CPA6: variants seen among roughly 807,000 people sequenced by gnomAD.
CPA6 encodes carboxypeptidase A6, also known as carboxypeptidase B.
A neutral mutation model predicts 63.3 loss-of-function variants in CPA6; 58 were observed. The ratio of observed to expected loss-of-function variants is 0.92; its 90% CI spans 0.74 to 1.14. The LOEUF (loss-of-function observed/expected upper bound fraction) is 1.14, where lower values mean the gene tolerates loss of function less well. Ranked by LOEUF, CPA6 falls within the 50% of genes most tolerant of loss-of-function variation. CPA6 has a pLI of 0.00. For missense variants in CPA6, 565 were observed against 526.6 expected (o/e 1.07, Z -0.71); for synonymous variants, 185 against 179.0 (o/e 1.03, Z -0.27).
At chr8:67,735,227 G>A (rs1439887799) in intron 1 of CPA6, 1 of 152,046 alleles carries the variant, frequency 6.6e-6, no homozygotes, top group East Asian at 1.9e-4. Flanking sequence ...AAGCCCTCAG[G>A]AGACACAGAC....
intron 1 of CPA6, among the ~76,000 whole-genome samples, chr8:67,666,658 C>G (rs75229070): frequency 0.025 from 3,800 of 152,248 alleles, 203 homozygotes; most frequent in African/African-American, 0.088. Context: ...CGATCAGGGT[C>G]TCCGTGCAGC....
intron 1 of CPA6, among the ~76,000 whole-genome samples, chr8:67,692,839 C>T (rs1761890455): frequency 6.6e-6 from 1 of 152,046 alleles, no homozygotes. Flanking sequence ...AAATTAATAC[C>T]CAAGGTAGCT....
At chr8:67,727,659 A>G (rs569277618) in intron 1 of CPA6, among the ~76,000 whole-genome samples, 5 of 152,308 alleles carry the variant, frequency 3.3e-5, no homozygotes, top group Admixed American at 3.3e-4. Context: ...CTGTTCTGAG[A>G]GATTACCTGG....
At chr8:67,628,238 T>C (rs1046983658) in intron 1 of CPA6, among the ~76,000 whole-genome samples, 2 of 151,904 alleles carry the variant, frequency 1.3e-5, no homozygotes, top group Non-Finnish European at 2.9e-5. Context: ...TCTAAGACTG[T>C]GTTGCCTGGG....
In CPA6 at chr8:67,724,030, C is replaced by G. The variant is rs1000558562; in HGVS notation, c.116+21984G>C. Among the ~76,000 whole-genome samples, 4 of 152,092 alleles carry G rather than the reference C, an allele frequency of 2.6e-5. No individual in the cohort carries two copies. The South Asian group carries it at 8.3e-4, about 31-fold the overall frequency. On this transcript the variant is annotated intron_variant, in intron 1 of 10. Transcript: ENST00000297770. ...TATGATACACAAAGGATTAATATCT[C>G]TAATACATGGTTCTCTCAGAAGCTG...
intron 2 of CPA6, among the ~76,000 whole-genome samples, chr8:67,597,485 C>T (rs568281883): frequency 3.9e-4 from 59 of 152,270 alleles, no homozygotes; most frequent in African/African-American, 1.4e-3. Flanking sequence ...GGAGCCACTG[C>T]GCCTGGCCCC....
intron 1 of CPA6, among the ~76,000 whole-genome samples, chr8:67,739,233 G>A (rs1817869266): frequency 1.3e-5 from 2 of 152,204 alleles, no homozygotes; most frequent in East Asian, 3.8e-4. Context: ...CTGCAGCATT[G>A]CATGTCTTTA....
rs143656482 is a variant in CPA6 at position 67,729,616 on chromosome 8, C to T, written c.116+16398G>A. ...GTGCTACTGCAGAGCATTCTGAGTG[C>T]TCAGGAGGAAGTTAAGTGATGTTCT... is the stretch of plus-strand genomic sequence containing the variant. On this transcript the variant is annotated intron_variant, in intron 1 of 10. Coordinates refer to ENST00000297770, the MANE Select transcript of CPA6 (RefSeq NM_020361.5). Among the ~76,000 whole-genome samples the T allele has an allele frequency of 3.3e-5, 5 of 152,294 alleles. No homozygotes were observed. In the East Asian group the frequency reaches 5.8e-4, roughly 18 times the overall value.
intron 2 of CPA6, among the ~76,000 whole-genome samples, chr8:67,543,679 G>A (rs1373608230): frequency 6.6e-6 from 1 of 151,984 alleles, no homozygotes; most frequent in Non-Finnish European, 1.5e-5. Flanking sequence ...ATACAATTCA[G>A]TACTATACAT....
intron 6 of CPA6, among the ~76,000 whole-genome samples, chr8:67,486,718 G>T (rs750026800): frequency 1.3e-5 from 2 of 152,086 alleles, no homozygotes; most frequent in Non-Finnish European, 2.9e-5. Flanking sequence ...TGAATTATTA[G>T]TTCCCTGAAT....
intron 1 of CPA6, among the ~76,000 whole-genome samples, chr8:67,673,816 A>G (rs957798427): frequency 1.3e-5 from 2 of 152,184 alleles, no homozygotes; most frequent in Non-Finnish European, 2.9e-5. Flanking sequence ...GCCAGACACT[A>G]CTGAAAGCAT....
At chr8:67,453,464 G>A (rs756751681) in intron 8 of CPA6, among the ~76,000 whole-genome samples, 1 of 152,116 alleles carries the variant, frequency 6.6e-6, no homozygotes, top group Non-Finnish European at 1.5e-5. Context: ...GAGTTGAGAT[G>A]TCTATTAGAT....
At chr8:67,443,742 G>T (rs1810348187) in intron 8 of CPA6, among the ~76,000 whole-genome samples, 1 of 152,088 alleles carries the variant, frequency 6.6e-6, no homozygotes, top group African/African-American at 2.4e-5. Flanking sequence ...AAAGTTTATA[G>T]GATAGATTTG....
chr8:67,493,288 T>C (rs1209548357), intron 6 of CPA6, among the ~76,000 whole-genome samples: 1 of 152,232 alleles, frequency 6.6e-6, no homozygotes, highest in East Asian at 1.9e-4. Flanking sequence ...TGAGGGCTTA[T>C]ATTTTACCTT....
intron 2 of CPA6, among the ~76,000 whole-genome samples, chr8:67,539,096 T>C (rs1456445266): frequency 6.6e-6 from 1 of 152,234 alleles, no homozygotes; most frequent in East Asian, 1.9e-4. Flanking sequence ...ATAATGTTGA[T>C]GGTCTTTACA....
At chr8:67,559,763 A>T (rs1813157358) in intron 2 of CPA6, among the ~76,000 whole-genome samples, 1 of 152,042 alleles carries the variant, frequency 6.6e-6, no homozygotes, top group African/African-American at 2.4e-5. Context: ...TGAGCCATTC[A>T]GAGAAGGCAA....
intron 2 of CPA6, among the ~76,000 whole-genome samples, chr8:67,589,737 C>A (rs1286360503): frequency 6.6e-6 from 1 of 152,064 alleles, no homozygotes; most frequent in Admixed American, 6.5e-5. Flanking sequence ...ACACCTAGGT[C>A]AAGAAGCAAA....
At chr8:67,475,868 TTTCTTTCTTTCTCCTTTC>T (rs1563967884) in intron 8 of CPA6, among the ~76,000 whole-genome samples, 21 of 97,052 alleles carry the variant, frequency 2.2e-4, no homozygotes, top group African/African-American at 8.0e-4. Flanking sequence ...TCTTTCTTTC[TTTCTTTCTTTCTCCTTTC>T]TTTCTTTCTT....
At chr8:67,671,539 T>C (rs1816343980) in intron 1 of CPA6, among the ~76,000 whole-genome samples, 1 of 152,198 alleles carries the variant, frequency 6.6e-6, no homozygotes, top group African/African-American at 2.4e-5. Flanking sequence ...TTCTATATGA[T>C]TCTGGCCTTA....
Sources: gnomAD v4.1 joint callset for allele counts (sites outside exome capture counted in the v4.1 genomes callset) on GRCh38, gnomAD v4.1.1 for gene constraint, MANE v1.5 for transcripts, NCBI Gene and HGNC (gene_info 2026-07-23, HGNC 2026-07-21) for gene names.